SUSD4: variants seen among roughly 807,000 people sequenced by gnomAD.
SUSD4 encodes the protein sushi domain-containing protein 4.
A neutral mutation model predicts 50.5 loss-of-function variants in SUSD4; 41 were observed. The ratio of observed to expected loss-of-function variants is 0.81; its 90% CI spans 0.63 to 1.05. The LOEUF is 1.05. Ranked by LOEUF, SUSD4 falls within the 50% of genes least tolerant of loss-of-function variation. SUSD4 has a pLI of 0.00. For missense variants in SUSD4, 580 were observed against 634.7 expected (o/e 0.91, Z 0.93); for synonymous variants, 257 against 257.3 (o/e 1.00, Z 0.01).
At chr1:223,228,622 G>T (rs1392499970) in intron 6 of SUSD4, among the ~76,000 whole-genome samples, 2 of 152,168 alleles carry the variant, frequency 1.3e-5, no homozygotes, top group Non-Finnish European at 2.9e-5. Context: ...TAACTATGAA[G>T]CCCTGAAGCT....
At chr1:223,245,444 T>C (rs1199191364) in intron 5 of SUSD4, among the ~76,000 whole-genome samples, 2 of 151,732 alleles carry the variant, frequency 1.3e-5, no homozygotes, top group Non-Finnish European at 2.9e-5. Flanking sequence ...GCAGAGAGGA[T>C]GGCACATGTG....
At chr1:223,271,305 G>A (rs185157190) in intron 3 of SUSD4, among the ~76,000 whole-genome samples, 1 of 152,206 alleles carries the variant, frequency 6.6e-6, no homozygotes, top group Admixed American at 6.5e-5. Flanking sequence ...CCCAAGCCTT[G>A]TTTCTAAGAG....
intron 5 of SUSD4, among the ~76,000 whole-genome samples, chr1:223,247,738 T>C (rs1661035684): frequency 1.3e-5 from 2 of 152,112 alleles, no homozygotes; most frequent in South Asian, 4.1e-4. Flanking sequence ...CCTGGGGAGC[T>C]TTGCCTAATT....
At chr1:223,300,053 G>C (rs753813552) in intron 2 of SUSD4, among the ~76,000 whole-genome samples, 1 of 152,170 alleles carries the variant, frequency 6.6e-6, no homozygotes, top group Non-Finnish European at 1.5e-5. Flanking sequence ...CCACCCAGAG[G>C]ATGCTCTTTC....
intron 2 of SUSD4, among the ~76,000 whole-genome samples, chr1:223,348,925 C>T (rs577678709): frequency 1.2e-4 from 18 of 152,058 alleles, no homozygotes; most frequent in Non-Finnish European, 1.8e-4. Context: ...GGCTGGGGGA[C>T]GGTTCAGAGA....
At chr1:223,263,440 C>A (rs1188791805) in intron 5 of SUSD4, among the ~76,000 whole-genome samples, 2 of 152,198 alleles carry the variant, frequency 1.3e-5, no homozygotes, top group Admixed American at 1.3e-4. Flanking sequence ...ATTTGCTTAT[C>A]TGAAATTCAA....
At position 223,227,476 on chromosome 1, in the gene SUSD4, C is replaced by T; in HGVS notation, c.1061+118G>A. The stretch of plus-strand genomic sequence containing the variant: ...AAAACATCCCAGAACATTGTTTTTG[C>T]TCTCCCCTGTTTCCCTTTAGAGCTT... On this transcript the variant is annotated intron_variant, in intron 7 of 8. Transcript: ENST00000366878. The surrounding 1 kb of genome is among the most constrained non-coding windows in gnomAD (Gnocchi z 4.5). The T allele has an allele frequency of 7.5e-6, 10 of 1,335,484 alleles. No homozygotes were observed. The highest frequency in any genetic ancestry group is 1.0e-5 in the Non-Finnish European group (10 of 984,464). The allele number at this position is 1,335,484 out of a possible 1,614,324, so 82.7% of individuals were successfully genotyped here. A position where few individuals can be genotyped will look rare whatever the true frequency, so the allele number is the denominator to read the frequency against.
intron 2 of SUSD4, among the ~76,000 whole-genome samples, chr1:223,322,537 G>C (rs540920797): frequency 6.6e-6 from 1 of 152,172 alleles, no homozygotes; most frequent in African/African-American, 2.4e-5. Flanking sequence ...GCTAAAATCT[G>C]TACACAAATA....
At chr1:223,296,468 C>T (rs1027235520) in intron 2 of SUSD4, among the ~76,000 whole-genome samples, 2 of 152,152 alleles carry the variant, frequency 1.3e-5, no homozygotes, top group African/African-American at 2.4e-5. Context: ...TCAGCTGGAG[C>T]ATGAGCCAGA....
chr1:223,255,185 G>A (rs574914196), intron 5 of SUSD4, among the ~76,000 whole-genome samples: 1 of 152,232 alleles, frequency 6.6e-6, no homozygotes, highest in South Asian at 2.1e-4. Context: ...GGAGGGAAAG[G>A]GCATGAGATT....
chr1:223,275,827 C>T (rs1331390904), intron 3 of SUSD4, among the ~76,000 whole-genome samples: 1 of 152,138 alleles, frequency 6.6e-6, no homozygotes, highest in Non-Finnish European at 1.5e-5. Context: ...AACTCAAAGG[C>T]TGGCTTGGAA....
intron 3 of SUSD4, among the ~76,000 whole-genome samples, chr1:223,283,587 G>A (rs545817726): frequency 1.0e-3 from 155 of 152,316 alleles, no homozygotes; most frequent in Non-Finnish European, 1.6e-3. Flanking sequence ...AACAACAGGT[G>A]CTGGAGAGGA....
rs1223726158 is a variant in SUSD4 at position 223,229,243 on chromosome 1, C to A, written c.870G>T (p.Gln290His). The change falls in exon 6 of 9, where the codon CAG becomes CAT. Residue 290 changes from glutamine (Q) to histidine (H), a missense_variant. Gln to His is a conservative substitution (Grantham distance 24, BLOSUM62 0). Coordinates refer to ENST00000366878, the MANE Select transcript of SUSD4 (RefSeq NM_017982.4). This position sits in a 1 kb window ranked among gnomAD's most constrained non-coding sequence, Gnocchi z 4.7. ...LTSDYKYITC[Q>H]YGEWFPSYQV... ...GATAAGAAGGAAACCACTCTCCATACTGGCAGGTGATGTACTTGTAGTCGC... is the reference window on the plus strand; with the variant it reads ...GATAAGAAGGAAACCACTCTCCATAATGGCAGGTGATGTACTTGTAGTCGC... 2.0e-5 allele frequency: 33 copies of A among 1,611,956 alleles called. No individual in the cohort carries two copies. Among genetic ancestry groups the A allele is most frequent in the Non-Finnish European group, 2.8e-5 (33 of 1,178,262 alleles).
intron 2 of SUSD4, among the ~76,000 whole-genome samples, chr1:223,304,227 C>A (rs1290910156): frequency 6.6e-6 from 1 of 152,192 alleles, no homozygotes; most frequent in Non-Finnish European, 1.5e-5. Flanking sequence ...TGATGTTAAA[C>A]CTCCCTGACT....
intron 3 of SUSD4, chr1:223,289,392 T>C (rs1446359771): frequency 1.3e-6 from 1 of 741,964 alleles, no homozygotes; most frequent in Non-Finnish European, 1.6e-6. Flanking sequence ...AGAAGCAAGT[T>C]GAATTGGAAT....
chr1:223,236,122 CT>C (rs1303592218), intron 5 of SUSD4, among the ~76,000 whole-genome samples: 1 of 152,170 alleles, frequency 6.6e-6, no homozygotes, highest in Non-Finnish European at 1.5e-5. Flanking sequence ...CTTGAAGCAT[CT>C]TTTCATATGC....
At position 223,229,281 on chromosome 1, in the gene SUSD4, A is replaced by G; in HGVS notation, c.832T>C (p.Tyr278His). 3 of 1,613,446 alleles carry G rather than the reference A, an allele frequency of 1.9e-6. No homozygotes were observed. Among genetic ancestry groups the G allele is most frequent in the Non-Finnish European group, 2.5e-6 (3 of 1,179,450 alleles). ...TACTTGTAGTCGCTGGTGAGGCTGT[A>G]GCCAGGATCGCAGTAAAACTCCACC... ...TVVEFYCDPGYSLTSDYKYIT... is the reference protein window; with the variant it reads ...TVVEFYCDPGHSLTSDYKYIT... The change falls in exon 6 of 9, where the codon TAC becomes CAC. Residue 278 changes from tyrosine to histidine, a missense_variant. By Grantham distance (83) the Tyr-to-His change is moderately conservative. Coordinates refer to ENST00000366878, the MANE Select transcript of SUSD4 (RefSeq NM_017982.4). The surrounding 1 kb of genome is among the most constrained non-coding windows in gnomAD (Gnocchi z 4.7).
chr1:223,292,417 C>A (rs753019062), intron 3 of SUSD4, 22 bp downstream of exon 3: 1 of 1,613,606 alleles, frequency 6.2e-7, no homozygotes, highest in Non-Finnish European at 8.5e-7. Flanking sequence ...GAGTGGCTTC[C>A]GTGGAGAAGT....
At chr1:223,224,523 T>G (rs1271170540) in intron 7 of SUSD4, among the ~76,000 whole-genome samples, 1 of 152,112 alleles carries the variant, frequency 6.6e-6, no homozygotes, top group Non-Finnish European at 1.5e-5. Flanking sequence ...AGGAAAGCTG[T>G]GAGCACTATG....
Sources: gnomAD v4.1 joint callset for allele counts (sites outside exome capture counted in the v4.1 genomes callset) on GRCh38, gnomAD v4.1.1 for gene constraint, Gnocchi (gnomAD v3.1) non-coding constraint, MANE v1.5 for transcripts, NCBI Gene and HGNC (gene_info 2026-07-23, HGNC 2026-07-21) for gene names.